Variants in VPS8 observed in about 807,000 individuals in gnomAD.
VPS8 encodes the protein vacuolar protein sorting-associated protein 8 homolog.
VPS8 carries 129 observed loss-of-function variants against 216.4 expected under a neutral mutation model. The observed-to-expected ratio is 0.60, with a 90% CI of 0.52 to 0.69. VPS8 has a LOEUF of 0.69. VPS8 is among the 30% of genes least tolerant of loss of function. The probability of loss-of-function intolerance (pLI) is 0.00; values close to 1 mark genes in which losing one functional copy is unlikely to be tolerated. For missense variants in VPS8, 1,531 were observed against 1,683.5 expected (o/e 0.91, Z 1.59); for synonymous variants, 571 against 565.4 (o/e 1.01, Z -0.14).
chr3:184,942,325 CA>C lies in VPS8; in HGVS notation c.3035+2083del, dbSNP rs549410621. Among the ~76,000 whole-genome samples, 469 of 152,250 alleles carry C rather than the reference CA, an allele frequency of 3.1e-3. 2 individuals carry two copies. The highest frequency in any genetic ancestry group is 4.9e-3 in the Non-Finnish European group (332 of 68,014). On this transcript the variant is annotated intron_variant, in intron 36 of 47. Transcript: ENST00000625842. Reference sequence around the variant, plus strand: ...ACCACAGATCATTTTACTTGAGAAACAGGTATATTTTATTTCCCTAAGCTAA... The same window carrying C: ...ACCACAGATCATTTTACTTGAGAAACGGTATATTTTATTTCCCTAAGCTAA...
chr3:185,018,442 T>C (rs1322644582), intron 45 of VPS8, among the ~76,000 whole-genome samples: 4 of 152,228 alleles, frequency 2.6e-5, no homozygotes, highest in Admixed American at 6.5e-5. Flanking sequence ...CACTTGGGCA[T>C]CTAAACCAGC....
At chr3:184,888,294 ATTACT>A (rs1731682204) in intron 22 of VPS8, among the ~76,000 whole-genome samples, 1 of 152,008 alleles carries the variant, frequency 6.6e-6, no homozygotes, top group Admixed American at 6.6e-5. Context: ...GGCCAAGAAC[ATTACT>A]TTATATTACA....
intron 7 of VPS8, among the ~76,000 whole-genome samples, chr3:184,842,186 CAAAAAAAAA>C (rs71162267): frequency 2.0e-5 from 1 of 48,992 alleles, no homozygotes; most frequent in East Asian, 1.0e-3. Flanking sequence ...GACTCCGTCT[CAAAAAAAAA>C]AAAAAAAAAA....
intron 29 of VPS8, among the ~76,000 whole-genome samples, chr3:184,922,973 A>G (rs956937702): frequency 2.6e-5 from 4 of 152,104 alleles, no homozygotes; most frequent in Non-Finnish European, 5.9e-5. Context: ...ATATATATAT[A>G]TGAGATAGAG....
chr3:184,815,690 A>G (rs1716157907), intron 1 of VPS8: 1 of 152,056 alleles, frequency 6.6e-6, no homozygotes, highest in Non-Finnish European at 1.5e-5. Context: ...AGCACCACCA[A>G]AATCACATGG....
intron 21 of VPS8, among the ~76,000 whole-genome samples, chr3:184,879,612 G>T (rs1729927911): frequency 6.6e-6 from 1 of 152,112 alleles, no homozygotes; most frequent in Admixed American, 6.5e-5. Context: ...CTCATGAGAG[G>T]AGCCTTCCAA....
chr3:184,929,346 AC>A (rs1385730559), intron 32 of VPS8, among the ~76,000 whole-genome samples: 1 of 152,066 alleles, frequency 6.6e-6, no homozygotes, highest in Non-Finnish European at 1.5e-5. Context: ...GGCACATGCC[AC>A]CATACCTGGC....
intron 10 of VPS8, 41 bp from the exon 11 acceptor site, chr3:184,852,457 CTG>C: frequency 1.3e-6 from 2 of 1,573,638 alleles, no homozygotes; most frequent in South Asian, 2.3e-5. Flanking sequence ...TAATACTTGA[CTG>C]TTTAAAAATG....
chr3:184,877,030 A>G (rs902249356), intron 21 of VPS8, among the ~76,000 whole-genome samples: 8 of 152,090 alleles, frequency 5.3e-5, no homozygotes, highest in Non-Finnish European at 8.8e-5. Context: ...AACTGCTCCT[A>G]ATTCTCTGTA....
At chr3:184,889,906 C>T (rs574911611) in intron 22 of VPS8, among the ~76,000 whole-genome samples, 1 of 152,108 alleles carries the variant, frequency 6.6e-6, no homozygotes, top group Non-Finnish European at 1.5e-5. Flanking sequence ...GCATCTAGGC[C>T]ATCTTTCACT....
intron 46 of VPS8, among the ~76,000 whole-genome samples, chr3:185,034,580 G>A (rs1758613767): frequency 1.3e-5 from 2 of 151,938 alleles, no homozygotes; most frequent in Non-Finnish European, 2.9e-5. Context: ...CTCCTGTTCT[G>A]TAGATTGTCT....
At chr3:184,887,651 T>G (rs761573796) in intron 22 of VPS8, among the ~76,000 whole-genome samples, 3 of 152,160 alleles carry the variant, frequency 2.0e-5, no homozygotes, top group Non-Finnish European at 4.4e-5. Context: ...TGTTCTTGGT[T>G]TTAACCACTA....
Position 184,894,945 on chromosome 3 carries a change from A to G in VPS8, c.2004+20A>G. 6.4e-7 allele frequency: 1 copy of G among 1,564,340 alleles called. No individual in the cohort carries two copies. Among genetic ancestry groups the G allele is most frequent in the Non-Finnish European group, 8.7e-7 (1 of 1,149,056 alleles). On this transcript the variant is annotated intron_variant, in intron 23 of 47. Coordinates refer to ENST00000625842, the MANE Select transcript of VPS8 (RefSeq NM_001009921.3). ...CAGCAGGTGAGTTTATAGACAGTCT[A>G]CTAACTTATGAAATAAACTTCATTC...
intron 39 of VPS8, among the ~76,000 whole-genome samples, chr3:184,968,294 C>G (rs1747755718): frequency 6.6e-6 from 1 of 152,100 alleles, no homozygotes. Context: ...TCAATGGACA[C>G]TTGGGCCACT....
intron 46 of VPS8, among the ~76,000 whole-genome samples, chr3:185,045,429 G>A (rs1352542043): frequency 6.6e-6 from 1 of 152,132 alleles, no homozygotes; most frequent in Non-Finnish European, 1.5e-5. Flanking sequence ...CCTGTAGGGT[G>A]GCAGTGGATC....
intron 39 of VPS8, among the ~76,000 whole-genome samples, 196 bp from the exon 40 acceptor site, chr3:184,971,453 A>C (rs1462849945): frequency 6.6e-6 from 1 of 152,224 alleles, no homozygotes; most frequent in Admixed American, 6.5e-5. Flanking sequence ...CGAATGTAAA[A>C]CATTTCTGTG....
intron 47 of VPS8, among the ~76,000 whole-genome samples, chr3:185,051,601 T>C (rs1714259542): frequency 6.6e-6 from 1 of 151,948 alleles, no homozygotes; most frequent in African/African-American, 2.4e-5. Context: ...GTGGGAGAGC[T>C]CTCCAGTGCC....
chr3:184,940,224 A>G lies in VPS8; in HGVS notation c.3016A>G (p.Arg1006Gly). The G allele has an allele frequency of 6.7e-7, 1 of 1,486,468 alleles. No individual in the cohort carries two copies. The highest frequency in any genetic ancestry group is 9.0e-7 in the Non-Finnish European group (1 of 1,109,740). 92.1% of individuals were successfully genotyped at this position (1,486,468 alleles called of 1,614,324 possible). A position where few individuals can be genotyped will look rare whatever the true frequency, so the allele number is the denominator to read the frequency against. The change falls in exon 36 of 48, where the codon AGG (arginine) becomes GGG (glycine). Residue 1006 changes from arginine (R) to glycine (G), a missense_variant. Physicochemically the swap from Arg to Gly is moderately radical, Grantham distance 125. Coordinates refer to ENST00000625842, the MANE Select transcript of VPS8 (RefSeq NM_001009921.3). ...CCAGGTTTTGCTTTTCAAATTTTTG[A>G]GGAGTCTTCTTGACCCAAGGTATGT... ...QNQVLLFKFL[R>G]SLLDPREGIH...
At chr3:184,955,150 A>G (rs568491798) in intron 36 of VPS8, among the ~76,000 whole-genome samples, 45 of 152,262 alleles carry the variant, frequency 3.0e-4, no homozygotes, top group African/African-American at 1.0e-3. Context: ...CTGCTCCACC[A>G]GCTTCTTGTG....
Sources: gnomAD v4.1 joint callset for allele counts (sites outside exome capture counted in the v4.1 genomes callset) on GRCh38, gnomAD v4.1.1 for gene constraint, MANE v1.5 for transcripts, NCBI Gene and HGNC (gene_info 2026-07-23, HGNC 2026-07-21) for gene names.